Variants in KCNQ3 observed in about 807,000 individuals in gnomAD.
The protein encoded by KCNQ3 is potassium voltage-gated channel subfamily Q member 3, also known as potassium voltage-gated channel subfamily KQT member 3.
In KCNQ3, 30 loss-of-function variants were observed where a neutral mutation model predicts 92.5. The observed-to-expected ratio is 0.32, with a 90% CI of 0.24 to 0.44. The LOEUF is 0.44. KCNQ3 is among the 20% of genes least tolerant of loss of function. The pLI, the probability that KCNQ3 is intolerant of heterozygous loss-of-function variation, is 1.00. For missense variants in KCNQ3, 913 were observed against 1,140.3 expected, an observed-to-expected ratio of 0.80 and a Z score of 2.87; for synonymous variants, 450 against 468.8, an observed-to-expected ratio of 0.96 and a Z score of 0.52.
At chr8:132,166,004 T>C (rs1826132705) in intron 8 of KCNQ3, among the ~76,000 whole-genome samples, 1 of 152,196 alleles carries the variant, frequency 6.6e-6, no homozygotes, top group African/African-American at 2.4e-5. Context: ...TCCAATAATC[T>C]TGACCCTGGT....
intron 1 of KCNQ3, among the ~76,000 whole-genome samples, chr8:132,238,635 C>T (rs1178847609): frequency 2.0e-5 from 3 of 152,174 alleles, no homozygotes; most frequent in Non-Finnish European, 4.4e-5. Context: ...ATTTTTCTCT[C>T]TCCCTATCCT....
intron 1 of KCNQ3, among the ~76,000 whole-genome samples, chr8:132,225,600 G>C (rs1384449314): frequency 6.6e-6 from 1 of 152,190 alleles, no homozygotes; most frequent in Non-Finnish European, 1.5e-5. Context: ...TCTTGCAAAA[G>C]CCAATTATGG....
At chr8:132,204,221 G>C (rs781084525) in intron 1 of KCNQ3, among the ~76,000 whole-genome samples, 15 of 152,342 alleles carry the variant, frequency 9.8e-5, no homozygotes, top group Middle Eastern at 3.4e-3. Flanking sequence ...CTCTGGGCAT[G>C]TCTGAGCTGC....
chr8:132,317,946 C>A (rs1817790300), intron 1 of KCNQ3, among the ~76,000 whole-genome samples: 1 of 152,292 alleles, frequency 6.6e-6, no homozygotes, highest in East Asian at 1.9e-4. Flanking sequence ...ATACAATGGG[C>A]AGCTACCAAG....
chr8:132,252,725 G>A lies in KCNQ3; in HGVS notation c.387-66544C>T, dbSNP rs560690449. 1.6e-3 allele frequency among the ~76,000 whole-genome samples: 240 copies of A among 152,116 alleles called. 1 individual carries two copies. The highest frequency in any genetic ancestry group is 3.4e-3 in the Middle Eastern group (1 of 294). On this transcript the variant is annotated intron_variant, in intron 1 of 14. Transcript: ENST00000388996. ...AGAGTGCTGATTGGTGCATTTTTAC[G>A]GAGTGCTGACTTGTGCATTTACAAT...
At chr8:132,262,699 T>A (rs533119223) in intron 1 of KCNQ3, among the ~76,000 whole-genome samples, 62 of 149,274 alleles carry the variant, frequency 4.2e-4, no homozygotes, top group African/African-American at 1.4e-3. Flanking sequence ...GAGGGTGGGA[T>A]CAAAAAACAG....
At chr8:132,334,925 C>G (rs1262530574) in intron 1 of KCNQ3, among the ~76,000 whole-genome samples, 1 of 152,150 alleles carries the variant, frequency 6.6e-6, no homozygotes, top group Admixed American at 6.5e-5. Flanking sequence ...TTATTTTATT[C>G]CCCCTCTTTC....
At chr8:132,243,299 A>C (rs979153310) in intron 1 of KCNQ3, among the ~76,000 whole-genome samples, 1 of 152,216 alleles carries the variant, frequency 6.6e-6, no homozygotes, top group Non-Finnish European at 1.5e-5. Context: ...GTGAGATCTG[A>C]TGAGTCTCTA....
At chr8:132,414,465 C>T (rs983904419) in intron 1 of KCNQ3, among the ~76,000 whole-genome samples, 1 of 152,214 alleles carries the variant, frequency 6.6e-6, no homozygotes. Context: ...AATGCAGCTG[C>T]TATTTCCAGC....
intron 1 of KCNQ3, among the ~76,000 whole-genome samples, chr8:132,279,508 A>G (rs953693495): frequency 1.3e-5 from 2 of 152,150 alleles, no homozygotes; most frequent in Non-Finnish European, 2.9e-5. Context: ...TGAAGACAAG[A>G]TTTCGAATGT....
intron 1 of KCNQ3, among the ~76,000 whole-genome samples, chr8:132,381,298 G>A (rs972521195): frequency 7.9e-5 from 12 of 152,162 alleles, no homozygotes; most frequent in Admixed American, 4.6e-4. Context: ...ACACTAGCCC[G>A]AATTGGCATT....
chr8:132,221,477 G>A (rs1306441330), intron 1 of KCNQ3, among the ~76,000 whole-genome samples: 1 of 152,192 alleles, frequency 6.6e-6, no homozygotes, highest in African/African-American at 2.4e-5. Context: ...TCCAGCATCT[G>A]TTGTTTCCTG....
At chr8:132,151,553 CACA>C (rs1825636253) in intron 9 of KCNQ3, among the ~76,000 whole-genome samples, 1 of 152,070 alleles carries the variant, frequency 6.6e-6, no homozygotes, top group Non-Finnish European at 1.5e-5. Context: ...AAAATAAAAG[CACA>C]ACAAGGTATT....
At chr8:132,148,787 C>T (rs1825542686) in intron 9 of KCNQ3, among the ~76,000 whole-genome samples, 1 of 152,176 alleles carries the variant, frequency 6.6e-6, no homozygotes. Flanking sequence ...ATTGGAGCTC[C>T]TGGTTCTCAG....
chr8:132,353,502 T>G (rs1328622146), intron 1 of KCNQ3, among the ~76,000 whole-genome samples: 3 of 152,180 alleles, frequency 2.0e-5, no homozygotes, highest in Non-Finnish European at 4.4e-5. Context: ...GCTAATCACT[T>G]ACGGTCTCAT....
intron 11 of KCNQ3, among the ~76,000 whole-genome samples, chr8:132,138,383 G>A (rs1032858145): frequency 1.3e-5 from 2 of 152,206 alleles, no homozygotes; most frequent in East Asian, 1.9e-4. Context: ...ATCATCCCAG[G>A]GCCATATAGC....
intron 1 of KCNQ3, among the ~76,000 whole-genome samples, chr8:132,377,388 T>C (rs1245294074): frequency 2.6e-5 from 4 of 152,176 alleles, no homozygotes; most frequent in African/African-American, 9.7e-5. Flanking sequence ...TCCCTCATAA[T>C]AAATGCCTTT....
At position 132,279,170 on chromosome 8, in the gene KCNQ3, A is replaced by G. The variant is rs183636010; in HGVS notation, c.387-92989T>C. 2.6e-4 allele frequency among the ~76,000 whole-genome samples: 39 copies of G among 152,312 alleles called. 1 individual carries two copies. The East Asian group carries it at 4.4e-3, about 17-fold the overall frequency. ...AAGGCGGAGTTTGCAGTGAGCCGAG[A>G]TTGTGCCACTGCACTCCAGCCTGGG... On this transcript the variant is annotated intron_variant, in intron 1 of 14. Transcript: ENST00000388996.
chr8:132,200,404 T>C (rs372920478), intron 1 of KCNQ3, among the ~76,000 whole-genome samples: 137 of 151,324 alleles, frequency 9.1e-4, no homozygotes, highest in African/African-American at 3.3e-3. Context: ...GCTTATAATA[T>C]TTACTACCTT....
Sources: allele counts gnomAD v4.1 joint callset (sites outside exome capture counted in the v4.1 genomes callset), GRCh38; gene constraint gnomAD v4.1.1; transcripts MANE v1.5; gene names NCBI Gene and HGNC (gene_info 2026-07-23, HGNC 2026-07-21).